Variants in SAMD15 observed in about 807,000 individuals in gnomAD.
SAMD15 encodes the protein sterile alpha motif domain containing 15.
In SAMD15, 37 loss-of-function variants were observed where a neutral mutation model predicts 50.5. The observed-to-expected ratio is 0.73, with a 90% CI of 0.56 to 0.96. SAMD15 has a LOEUF of 0.96. Ranked by LOEUF, SAMD15 falls within the 40% of genes least tolerant of loss-of-function variation. SAMD15 has a pLI of 0.00. For synonymous variants in SAMD15, 255 were observed against 282.8 expected (o/e 0.90, Z 0.99); for missense variants, 789 against 783.8 (o/e 1.01, Z -0.08).
In SAMD15 at chr14:77,377,429, T is replaced by C. The variant is rs754248377; in HGVS notation, c.11T>C (p.Val4Ala). 5.0e-6 allele frequency: 8 copies of C among 1,608,250 alleles called. No individual in the cohort carries two copies. In the South Asian group the frequency reaches 7.7e-5, roughly 16 times the overall value. Residue 4 changes from valine (V) to alanine (A), a missense_variant, in exon 1 of 3, where the codon GTC (valine) becomes GCC (alanine). This residue lies in a region of SAMD15 where 770 missense variants were observed against 745.4 expected (regional missense o/e 1.03). Transcript: ENST00000216471. MAE[V>A]PEDYDSGPDE... ...TCTGCTAAGCTGCAAATGGCTGAAG[T>C]CCCGGAGGATTATGATTCCGGCCCA...
In SAMD15 at chr14:77,378,953, A is replaced by C; in HGVS notation, c.1535A>C (p.Glu512Ala). 1 of 1,614,126 alleles carries C rather than the reference A, an allele frequency of 6.2e-7. No individual in the cohort carries two copies. The highest frequency in any genetic ancestry group is 8.5e-7 in the Non-Finnish European group (1 of 1,180,016). ...TTAAGTGAGTTCGTTCATGAAAAGG[A>C]AGTTGTAGATTTGTCCCAAGAGTTG... Reference protein sequence around the residue: ...TELSEFVHEKEVVDLSQELKE... With the variant: ...TELSEFVHEKAVVDLSQELKE... Residue 512 changes from glutamate (E) to alanine (A), a missense_variant, in exon 1 of 3, where the codon GAA becomes GCA. Physicochemically the swap from Glu to Ala is moderately radical, Grantham distance 107. Around this residue, in one of 2 missense-constraint regions of SAMD15, gnomAD observed 770 missense variants for 745.4 expected, o/e 1.03. Coordinates refer to ENST00000216471, the MANE Select transcript of SAMD15 (RefSeq NM_001010860.4).
Position 77,378,151 on chromosome 14 carries a change from CAA to C in SAMD15, c.735_736del (p.Glu247ValfsTer3), listed in dbSNP as rs1381288126. 1 of 1,613,288 alleles carries C rather than the reference CAA, an allele frequency of 6.2e-7. No homozygotes were observed. The highest frequency in any genetic ancestry group is 8.5e-7 in the Non-Finnish European group (1 of 1,179,836). On this transcript the variant is annotated frameshift_variant, in exon 1 of 3. Coordinates refer to ENST00000216471, the MANE Select transcript of SAMD15 (RefSeq NM_001010860.4). LOFTEE classifies it high-confidence loss of function. ...MTKPETPEET[Q>X]RESTEKKRTE... Reference sequence around the variant, plus strand: ...CAAACCAGAGACTCCAGAGGAGACACAAAGAGAGTCAACTGAGAAGAAAAGGA... The same window carrying C: ...CAAACCAGAGACTCCAGAGGAGACACAGAGAGTCAACTGAGAAGAAAAGGA...
At chr14:77,390,458 A>T (rs1362339376) in intron 2 of SAMD15, among the ~76,000 whole-genome samples, 2 of 152,190 alleles carry the variant, frequency 1.3e-5, no homozygotes, top group Non-Finnish European at 2.9e-5. Context: ...GAACCCATCC[A>T]TGGCCATCTG....
At chr14:77,388,627 G>A (rs887712623) in intron 2 of SAMD15, among the ~76,000 whole-genome samples, 5 of 142,486 alleles carry the variant, frequency 3.5e-5, no homozygotes, top group Non-Finnish European at 7.6e-5. Flanking sequence ...TTTGTTTTTT[G>A]AGATGGAATC....
chr14:77,377,640 C>G lies in SAMD15; in HGVS notation c.222C>G (p.Asn74Lys). 2 of 1,614,154 alleles carry G rather than the reference C, an allele frequency of 1.2e-6. No homozygotes were observed. The highest frequency in any genetic ancestry group is 1.3e-5 in the African/African-American group (1 of 75,038). The change falls in exon 1 of 3, where the codon AAC (asparagine) becomes AAG (lysine). Residue 74 changes from asparagine (N) to lysine (K), a missense_variant. Transcript: ENST00000216471. ...AGGGGGAGCCAGACAGTGCTAAGAA[C>G]GTGCAGCTGAAACCTGGCGGGACGT... Reference protein sequence around the residue: ...FKEGEPDSAKNVQLKPGGTSQ... With the variant: ...FKEGEPDSAKKVQLKPGGTSQ...
intron 1 of SAMD15, among the ~76,000 whole-genome samples, 189 bp downstream of exon 1, chr14:77,379,296 G>A (rs1893914348): frequency 1.3e-5 from 2 of 152,184 alleles, no homozygotes; most frequent in Non-Finnish European, 2.9e-5. Flanking sequence ...GGAGAGGAAG[G>A]GAGGGTCACA....
intron 2 of SAMD15, among the ~76,000 whole-genome samples, chr14:77,385,888 C>G (rs543457911): frequency 6.8e-6 from 1 of 147,258 alleles, no homozygotes. Context: ...TGCTCTGTCA[C>G]CCAGGATGGT....
At chr14:77,380,693 A>G (rs1371701974) in intron 2 of SAMD15, among the ~76,000 whole-genome samples, 6 of 151,168 alleles carry the variant, frequency 4.0e-5, no homozygotes, top group Admixed American at 6.6e-5. Flanking sequence ...TGGCACTTAC[A>G]CCGTCTGGCT....
At chr14:77,390,956 T>G in intron 2 of SAMD15, 52 bp from the exon 3 acceptor site, 1 of 1,043,142 alleles carries the variant, frequency 9.6e-7, no homozygotes, top group Non-Finnish European at 1.5e-6. Context: ...CCTTCTTTGA[T>G]TTGGTTGTGT....
intron 2 of SAMD15, 113 bp downstream of exon 2, chr14:77,380,594 C>G: frequency 1.5e-6 from 1 of 683,868 alleles, no homozygotes; most frequent in Non-Finnish European, 2.6e-6. Flanking sequence ...ATGGTGTCAT[C>G]ATAATTCCAG....
Position 77,391,375 on chromosome 14 carries a change from C to T in SAMD15, c.*131C>T, listed in dbSNP as rs1244945394. The T allele has an allele frequency of 6.5e-6, 4 of 618,682 alleles. No homozygotes were observed. Among genetic ancestry groups the T allele is most frequent in the Non-Finnish European group, 1.1e-5 (4 of 364,048 alleles). The allele number at this position is 618,682 out of a possible 1,614,324, so 38.3% of individuals were successfully genotyped here. A position where few individuals can be genotyped will look rare whatever the true frequency, so the allele number is the denominator to read the frequency against. ...TTGAGACAGAGTCTTGCTCTGTCGCCCAGGCTGGAGTGCAATGGCACAGTC... is the reference window on the plus strand; with the variant it reads ...TTGAGACAGAGTCTTGCTCTGTCGCTCAGGCTGGAGTGCAATGGCACAGTC... On this transcript the variant is annotated 3_prime_UTR_variant, in exon 3 of 3. Coordinates refer to ENST00000216471, the MANE Select transcript of SAMD15 (RefSeq NM_001010860.4).
intron 1 of SAMD15, among the ~76,000 whole-genome samples, chr14:77,379,880 G>A (rs562635479): frequency 6.6e-6 from 1 of 152,274 alleles, no homozygotes; most frequent in Admixed American, 6.5e-5. Flanking sequence ...AAGTTAGCCA[G>A]TTAACCAAAA....
chr14:77,391,121 T>C lies in SAMD15; in HGVS notation c.1902T>C (p.His634=), dbSNP rs1258938146. 6.2e-7 allele frequency: 1 copy of C among 1,613,708 alleles called. No homozygotes were observed. ...GCTTATATTTAGAGCAAAAAGGTCA[T>C]ACTGGGATAAAATCTGATTCCTTGA... ...IIGLYLEQKG[H]TGIKSDSLTL... Residue 634 remains histidine (H), a synonymous_variant, in exon 3 of 3, where the codon CAT becomes CAC. Transcript: ENST00000216471.
intron 2 of SAMD15, among the ~76,000 whole-genome samples, chr14:77,381,027 C>T (rs760482335): frequency 1.1e-4 from 16 of 152,220 alleles, no homozygotes; most frequent in African/African-American, 1.7e-4. Context: ...TCTATGTCTT[C>T]GCTCAGTTCC....
At chr14:77,387,463 C>T (rs10133896) in intron 2 of SAMD15, among the ~76,000 whole-genome samples, 84,970 of 151,824 alleles carry the variant, frequency 0.56, 26,331 homozygotes, top group African/African-American at 0.83. Flanking sequence ...AAGAAAGAAA[C>T]TGCAGTTTTA....
chr14:77,377,403 GTCTGCTAAGC>G lies in SAMD15; in HGVS notation c.-14_-5del, dbSNP rs1566698752. Reference sequence around the variant, plus strand: ...TGGGGTTGCTAGGAAGCCGCGGCGCGTCTGCTAAGCTGCAAATGGCTGAAGTCCCGGAGGA... The same window carrying G: ...TGGGGTTGCTAGGAAGCCGCGGCGCGTGCAAATGGCTGAAGTCCCGGAGGA... On this transcript the variant is annotated 5_prime_UTR_variant, in exon 1 of 3. Transcript: ENST00000216471. 6.3e-7 allele frequency: 1 copy of G among 1,580,292 alleles called. No homozygotes were observed. The highest frequency in any genetic ancestry group is 1.2e-5 in the South Asian group (1 of 86,824).
At chr14:77,390,216 G>A (rs1555361885) in intron 2 of SAMD15, among the ~76,000 whole-genome samples, 1 of 151,728 alleles carries the variant, frequency 6.6e-6, no homozygotes, top group Admixed American at 6.6e-5. Flanking sequence ...GACTGTTCTC[G>A]AACTCCTGAC....
rs1447870927 is a variant in SAMD15, at chr14:77,391,316, TTTTC to T, written c.*76_*79del. ...AGGGAAGAGGTATGGTCTTTTTTGG[TTTTC>T]TTTTTCTCCTTTTTTTTTTTTTTAT... On this transcript the variant is annotated 3_prime_UTR_variant, in exon 3 of 3. Transcript: ENST00000216471. 8.9e-6 allele frequency: 9 copies of T among 1,012,514 alleles called. No homozygotes were observed. The Admixed American group carries it at 1.6e-4, about 18-fold the overall frequency. 62.7% of individuals were successfully genotyped at this position (1,012,514 alleles called of 1,614,324 possible).
intron 2 of SAMD15, among the ~76,000 whole-genome samples, chr14:77,381,375 T>G (rs1014947623): frequency 3.9e-5 from 6 of 152,114 alleles, no homozygotes; most frequent in African/African-American, 1.4e-4. Flanking sequence ...ACAAACAATC[T>G]CACGTGTAAC....
Sources: gnomAD v4.1 joint callset for allele counts (sites outside exome capture counted in the v4.1 genomes callset) on GRCh38, gnomAD v4.1.1 for gene constraint, gnomAD v4.1.1 regional missense constraint, MANE v1.5 for transcripts, NCBI Gene and HGNC (gene_info 2026-07-23, HGNC 2026-07-21) for gene names.